Variants in MAN2A1 observed in about 807,000 individuals in gnomAD.
MAN2A1 encodes the protein mannosidase alpha class 2A member 1.
Under a neutral mutation model 142.6 loss-of-function variants are expected in MAN2A1, and 76 were observed. The observed-to-expected ratio is 0.53, with a 90% confidence interval of 0.44 to 0.65. The LOEUF is 0.65. Ranked by LOEUF, MAN2A1 falls within the 30% of genes least tolerant of loss-of-function variation. MAN2A1 has a pLI of 0.00. For missense variants in MAN2A1, 1,311 were observed against 1,365.1 expected (o/e 0.96, Z 0.62); for synonymous variants, 559 against 473.2 (o/e 1.18, Z -2.35).
intron 20 of MAN2A1, among the ~76,000 whole-genome samples, chr5:109,861,133 ACT>A (rs1465087512): frequency 3.9e-5 from 6 of 152,044 alleles, no homozygotes; most frequent in Non-Finnish European, 5.9e-5. Flanking sequence ...AAGTCACTTA[ACT>A]CTCTGAGTGT....
chr5:109,824,842 CT>C (rs1754716730), intron 16 of MAN2A1, among the ~76,000 whole-genome samples: 2 of 151,994 alleles, frequency 1.3e-5, no homozygotes, highest in Non-Finnish European at 2.9e-5. Context: ...TTTTATTTAA[CT>C]TTTTTATTAA....
rs565292838 is a variant in MAN2A1 at position 109,820,685 on chromosome 5, G to A, written c.2451+343G>A. 3.3e-5 allele frequency among the ~76,000 whole-genome samples: 5 copies of A among 152,248 alleles called. No homozygotes were observed. In the East Asian group the frequency reaches 7.7e-4, roughly 24 times the overall value. ...TTAGGCATGGTGGCCTGCACCTACAGTCCCAGTTACTCAGGAAGGCTGAGG... is the reference window on the plus strand; with the variant it reads ...TTAGGCATGGTGGCCTGCACCTACAATCCCAGTTACTCAGGAAGGCTGAGG... On this transcript the variant is annotated intron_variant, in intron 15 of 21. Coordinates refer to ENST00000261483, the MANE Select transcript of MAN2A1 (RefSeq NM_002372.4).
chr5:109,846,041 G>A (rs892667592), intron 18 of MAN2A1, 35 bp downstream of exon 18: 1 of 1,560,444 alleles, frequency 6.4e-7, no homozygotes, highest in African/African-American at 1.4e-5. Flanking sequence ...CACTCTGAAA[G>A]GTTTCAATTC....
At chr5:109,782,649 A>C in intron 9 of MAN2A1, among the ~76,000 whole-genome samples, 1 of 152,174 alleles carries the variant, frequency 6.6e-6, no homozygotes, top group South Asian at 2.1e-4. Flanking sequence ...TATGAATTTA[A>C]GAGTTGTATT....
At chr5:109,818,183 C>T (rs1312151266) in intron 13 of MAN2A1, among the ~76,000 whole-genome samples, 2 of 152,058 alleles carry the variant, frequency 1.3e-5, no homozygotes, top group Non-Finnish European at 2.9e-5. Context: ...TCTTGTTGCC[C>T]AGGCTGGAGT....
At chr5:109,724,267 C>G (rs1751684504) in intron 3 of MAN2A1, among the ~76,000 whole-genome samples, 1 of 151,824 alleles carries the variant, frequency 6.6e-6, no homozygotes, top group Non-Finnish European at 1.5e-5. Flanking sequence ...ACTGAGGATT[C>G]TGAAAGGAGG....
chr5:109,714,686 T>C (rs1561474524), intron 2 of MAN2A1, among the ~76,000 whole-genome samples: 3 of 152,220 alleles, frequency 2.0e-5, no homozygotes, highest in East Asian at 3.9e-4. Context: ...ATTTTAAAGT[T>C]GGACAAAATT....
intron 8 of MAN2A1, 125 bp downstream of exon 8, chr5:109,775,090 G>T: frequency 1.6e-6 from 1 of 639,772 alleles, no homozygotes; most frequent in South Asian, 2.2e-5. Flanking sequence ...TATAATTCTT[G>T]TGTAAAATAT....
At chr5:109,739,992 C>T (rs140398052) in intron 4 of MAN2A1, among the ~76,000 whole-genome samples, 9 of 152,300 alleles carry the variant, frequency 5.9e-5, no homozygotes, top group African/African-American at 2.2e-4. Context: ...CAGCACCTTG[C>T]ATTTGCAAGA....
At chr5:109,843,026 G>A (rs191152747) in intron 17 of MAN2A1, among the ~76,000 whole-genome samples, 3 of 152,018 alleles carry the variant, frequency 2.0e-5, no homozygotes, top group East Asian at 3.9e-4. Flanking sequence ...GGCTGGTCTC[G>A]AACTCTTGGA....
At chr5:109,785,270 T>C (rs1393193499) in intron 10 of MAN2A1, among the ~76,000 whole-genome samples, 1 of 152,060 alleles carries the variant, frequency 6.6e-6, no homozygotes, top group Non-Finnish European at 1.5e-5. Flanking sequence ...ATAGTTATAA[T>C]GTAGAGAGAT....
chr5:109,794,839 G>C lies in MAN2A1; in HGVS notation c.1943+5312G>C, dbSNP rs564751232. Among the ~76,000 whole-genome samples the C allele has an allele frequency of 3.9e-5, 6 of 152,064 alleles. No homozygotes were observed. The South Asian group carries it at 1.2e-3, about 32-fold the overall frequency. On this transcript the variant is annotated intron_variant, in intron 12 of 21. Coordinates refer to ENST00000261483, the MANE Select transcript of MAN2A1 (RefSeq NM_002372.4). ...TATATATTGCTTGTAAAAGGTATTT[G>C]TATGTTTTCACCTATGTTCTGTCTC...
chr5:109,792,942 A>G (rs1035341145), intron 12 of MAN2A1, among the ~76,000 whole-genome samples: 3 of 152,014 alleles, frequency 2.0e-5, no homozygotes, highest in African/African-American at 7.2e-5. Context: ...AAACAGCAAG[A>G]CTTCTTAAGA....
chr5:109,841,341 T>A (rs911137491), intron 16 of MAN2A1, among the ~76,000 whole-genome samples: 2 of 152,204 alleles, frequency 1.3e-5, no homozygotes, highest in African/African-American at 4.8e-5. Flanking sequence ...CTATCATTCT[T>A]ATGCCTTTGC....
chr5:109,803,911 G>A (rs1046338482), intron 12 of MAN2A1, among the ~76,000 whole-genome samples: 1 of 152,032 alleles, frequency 6.6e-6, no homozygotes, highest in African/African-American at 2.4e-5. Context: ...ATTTCTATTG[G>A]GGTGGGAGTA....
chr5:109,811,435 T>C (rs1158871286), intron 12 of MAN2A1, among the ~76,000 whole-genome samples: 1 of 152,196 alleles, frequency 6.6e-6, no homozygotes, highest in African/African-American at 2.4e-5. Flanking sequence ...TAGAAAGATA[T>C]GTCTCTCCAT....
chr5:109,819,663 T>G lies in MAN2A1; in HGVS notation c.2110-6T>G. ...TTTAATAAATTCCCTTCCCTATCTTTTAAAGATCTCTTTTCGAGCACATAT... is the reference window on the plus strand; with the variant it reads ...TTTAATAAATTCCCTTCCCTATCTTGTAAAGATCTCTTTTCGAGCACATAT... On this transcript the variant is annotated splice_region_variant and splice_polypyrimidine_tract_variant and intron_variant, in intron 13 of 21. Transcript: ENST00000261483. 1 of 1,530,964 alleles carries G rather than the reference T, an allele frequency of 6.5e-7. No homozygotes were observed. Among genetic ancestry groups the G allele is most frequent in the East Asian group, 2.3e-5 (1 of 42,652 alleles). The allele number at this position is 1,530,964 out of a possible 1,614,324, so 94.8% of individuals were successfully genotyped here.
chr5:109,728,215 A>G (rs1751799406), intron 3 of MAN2A1, among the ~76,000 whole-genome samples: 1 of 152,180 alleles, frequency 6.6e-6, no homozygotes, highest in Admixed American at 6.5e-5. Context: ...CATTGTCAGA[A>G]TAGTTTTGTC....
intron 18 of MAN2A1, among the ~76,000 whole-genome samples, chr5:109,847,283 A>G (rs1363541579): frequency 6.6e-6 from 1 of 152,136 alleles, no homozygotes; most frequent in Non-Finnish European, 1.5e-5. Flanking sequence ...AATAAACCTC[A>G]TAAGCATTTT....
Sources: allele counts gnomAD v4.1 joint callset (sites outside exome capture counted in the v4.1 genomes callset), GRCh38; gene constraint gnomAD v4.1.1; transcripts MANE v1.5; gene names NCBI Gene and HGNC (gene_info 2026-07-23, HGNC 2026-07-21).